The following NMNAT3 variants were observed in gnomAD, a reference collection of about 807,000 sequenced individuals.
NMNAT3 encodes the protein nicotinamide/nicotinic acid mononucleotide adenylyltransferase 3.
In NMNAT3, 21 loss-of-function variants were observed where a neutral mutation model predicts 24.8. The observed-to-expected ratio is 0.85, with a 90% confidence interval of 0.60 to 1.22. The LOEUF is 1.22. Ranked by LOEUF, NMNAT3 falls within the 50% of genes most tolerant of loss-of-function variation. The pLI is 0.00. For missense variants in NMNAT3, 387 were observed against 436.6 expected, an observed-to-expected ratio of 0.89 and a Z score of 1.01; for synonymous variants, 136 against 155.2, an observed-to-expected ratio of 0.88 and a Z score of 0.92.
At position 139,625,175 on chromosome 3, in the gene NMNAT3, T is replaced by C. The variant is rs551752694; in HGVS notation, c.109+2441A>G. The stretch of plus-strand genomic sequence containing the variant: ...GCCACTTCAGCTTTCTTTTAATTAG[T>C]GTTAGCATAGGACAGTTTTCTGTTC... On this transcript the variant is annotated intron_variant, in intron 3 of 6. Transcript: ENST00000643695. Among the ~76,000 whole-genome samples the C allele has an allele frequency of 3.3e-5, 5 of 152,326 alleles. No individual in the cohort carries two copies. In the South Asian group the frequency reaches 1.0e-3, roughly 32 times the overall value.
intron 2 of NMNAT3, among the ~76,000 whole-genome samples, chr3:139,630,194 C>A (rs533068677): frequency 6.6e-6 from 1 of 152,328 alleles, no homozygotes; most frequent in Admixed American, 6.5e-5. Context: ...TTTTTTAGAA[C>A]CTCCTGTAGA....
At chr3:139,668,065 G>C (rs577647071) in intron 1 of NMNAT3, among the ~76,000 whole-genome samples, 1 of 152,162 alleles carries the variant, frequency 6.6e-6, no homozygotes, top group Non-Finnish European at 1.5e-5. Context: ...CAGGTGTAAC[G>C]TACAGGCAAG....
chr3:139,673,961 T>C (rs2057843423), intron 1 of NMNAT3, among the ~76,000 whole-genome samples: 1 of 151,982 alleles, frequency 6.6e-6, no homozygotes, highest in African/African-American at 2.4e-5. Flanking sequence ...TGAGGAGGGA[T>C]TCAGGAAGGC....
intron 3 of NMNAT3, among the ~76,000 whole-genome samples, chr3:139,589,553 T>C (rs1396157195): frequency 6.6e-6 from 1 of 152,134 alleles, no homozygotes; most frequent in African/African-American, 2.4e-5. Flanking sequence ...TAAAGGAAAA[T>C]CATTTCCAAC....
In NMNAT3 at chr3:139,583,025, T is replaced by C; in HGVS notation, c.293A>G (p.Asn98Ser). 8 of 1,607,522 alleles carry C rather than the reference T, an allele frequency of 5.0e-6. No individual in the cohort carries two copies. Among genetic ancestry groups the C allele is most frequent in the Non-Finnish European group, 6.8e-6 (8 of 1,176,602 alleles). The change falls in exon 4 of 7, where the codon AAT becomes AGT. Residue 98 changes from asparagine to serine, a missense_variant. By Grantham distance (46) the Asn-to-Ser change is conservative (BLOSUM62 1). Transcript: ENST00000643695. ...TGTTGTGCCTTTGCACTTGCTGTCA[T>C]TCAAATCACAGAACGCTTGTTCTTC... is the stretch of plus-strand genomic sequence containing the variant.
intron 6 of NMNAT3, chr3:139,570,448 T>C (rs1482251640): frequency 6.6e-6 from 1 of 152,198 alleles, no homozygotes; most frequent in Admixed American, 6.5e-5. Context: ...GTTTTTCTGC[T>C]CTGTTTTTTT....
chr3:139,575,422 G>T (rs1442843222), intron 5 of NMNAT3, among the ~76,000 whole-genome samples: 1 of 152,110 alleles, frequency 6.6e-6, no homozygotes, highest in Non-Finnish European at 1.5e-5. Flanking sequence ...AGGACTTGAA[G>T]TATTTTACAA....
chr3:139,676,368 G>A (rs148313212), intron 1 of NMNAT3, among the ~76,000 whole-genome samples: 62 of 152,330 alleles, frequency 4.1e-4, no homozygotes, highest in Middle Eastern at 3.4e-3. Context: ...GGTCTGACAC[G>A]TCCTTAGCAA....
At chr3:139,575,552 A>G in intron 5 of NMNAT3, 1 of 991,134 alleles carries the variant, frequency 1.0e-6, no homozygotes, top group Non-Finnish European at 1.2e-6. Flanking sequence ...GGTGATTAGT[A>G]AAAGGTGGTG....
intron 1 of NMNAT3, among the ~76,000 whole-genome samples, chr3:139,641,996 A>G (rs547066576): frequency 3.4e-4 from 51 of 152,214 alleles, no homozygotes; most frequent in Non-Finnish European, 5.4e-4. Flanking sequence ...GATGCAAAAG[A>G]AAGTACCTGG....
chr3:139,674,057 A>G (rs889356937), intron 1 of NMNAT3, among the ~76,000 whole-genome samples: 14 of 152,142 alleles, frequency 9.2e-5, no homozygotes, highest in African/African-American at 3.4e-4. Flanking sequence ...GACAGCAGAG[A>G]GGCACAGGGA....
intron 1 of NMNAT3, among the ~76,000 whole-genome samples, chr3:139,666,577 C>T (rs2057589749): frequency 6.6e-6 from 1 of 152,208 alleles, no homozygotes. Context: ...TATTTACCAT[C>T]TTTATGTTGG....
intron 1 of NMNAT3, among the ~76,000 whole-genome samples, chr3:139,647,233 C>T (rs1308962018): frequency 1.3e-5 from 2 of 152,200 alleles, no homozygotes; most frequent in Non-Finnish European, 2.9e-5. Flanking sequence ...GCTTGTAAGC[C>T]AGAGATTTTC....
chr3:139,595,194 G>A (rs1397394973), intron 3 of NMNAT3, among the ~76,000 whole-genome samples: 2 of 152,138 alleles, frequency 1.3e-5, no homozygotes, highest in Non-Finnish European at 2.9e-5. Context: ...CAAATCATGA[G>A]TGAATTCCCA....
chr3:139,613,903 C>T (rs559541198), intron 3 of NMNAT3, among the ~76,000 whole-genome samples: 4 of 151,890 alleles, frequency 2.6e-5, no homozygotes, highest in Non-Finnish European at 4.4e-5. Flanking sequence ...ACCAAACACC[C>T]GCATGTTCTC....
At chr3:139,577,119 CT>C (rs1439534627) in intron 5 of NMNAT3, among the ~76,000 whole-genome samples, 1 of 137,568 alleles carries the variant, frequency 7.3e-6, no homozygotes, top group African/African-American at 2.7e-5. Flanking sequence ...TTTTGAGACC[CT>C]ATCTCAAAAA....
intron 6 of NMNAT3, chr3:139,569,747 C>G (rs1171942671): frequency 6.6e-6 from 1 of 152,164 alleles, no homozygotes; most frequent in East Asian, 1.9e-4. Context: ...TGAGGGTAAC[C>G]CGACCTTTCT....
chr3:139,615,314 G>C (rs2055432222), intron 3 of NMNAT3, among the ~76,000 whole-genome samples: 1 of 152,114 alleles, frequency 6.6e-6, no homozygotes, highest in Non-Finnish European at 1.5e-5. Flanking sequence ...TTAGGATGCT[G>C]GTTTATATTA....
intron 3 of NMNAT3, among the ~76,000 whole-genome samples, chr3:139,622,773 T>TATATATATATG (rs2055847829): frequency 7.0e-6 from 1 of 142,418 alleles, no homozygotes. Flanking sequence ...ATATATATCA[T>TATATATATATG]ATATATGATA....
Sources: gnomAD v4.1 joint callset for allele counts (sites outside exome capture counted in the v4.1 genomes callset) on GRCh38, gnomAD v4.1.1 for gene constraint, MANE v1.5 for transcripts, NCBI Gene and HGNC (gene_info 2026-07-23, HGNC 2026-07-21) for gene names.